ITGA1: variants seen among roughly 807,000 people sequenced by gnomAD.
ITGA1 encodes the protein integrin subunit alpha 1.
In ITGA1, 85 loss-of-function variants were observed where a neutral mutation model predicts 145.9. The ratio of observed to expected loss-of-function variants is 0.58; its 90% CI spans 0.49 to 0.70. ITGA1 has a LOEUF of 0.70. Among genes scored for constraint, ITGA1 ranks in the 30% least tolerant of loss-of-function variants. The pLI is 0.00. For missense variants in ITGA1, 1,351 were observed against 1,418.7 expected (o/e 0.95, Z 0.77); for synonymous variants, 520 against 495.3 (o/e 1.05, Z -0.66).
intron 19 of ITGA1, among the ~76,000 whole-genome samples, chr5:52,926,810 T>C (rs748797703): frequency 6.6e-6 from 1 of 152,140 alleles, no homozygotes; most frequent in African/African-American, 2.4e-5. Flanking sequence ...GTAATAATGA[T>C]GGCAACCATT....
intron 2 of ITGA1, among the ~76,000 whole-genome samples, chr5:52,861,172 T>A (rs73754058): frequency 0.02 from 3,096 of 152,220 alleles, 117 homozygotes; most frequent in African/African-American, 0.071. Flanking sequence ...CACATATACA[T>A]GTATATACAC....
chr5:52,788,470 C>T, intron 1 of ITGA1, 56 bp downstream of exon 1: 1 of 1,373,450 alleles, frequency 7.3e-7, no homozygotes, highest in Non-Finnish European at 9.5e-7. Context: ...GGGCTTGGAG[C>T]GGGGAGGGAG....
intron 1 of ITGA1, among the ~76,000 whole-genome samples, chr5:52,845,535 C>T (rs935781382): frequency 6.6e-5 from 10 of 152,074 alleles, no homozygotes; most frequent in South Asian, 2.1e-4. Context: ...GGTTGGTTTT[C>T]GGTCATCTTC....
At chr5:52,837,008 C>A (rs940285374) in intron 1 of ITGA1, among the ~76,000 whole-genome samples, 2 of 152,056 alleles carry the variant, frequency 1.3e-5, no homozygotes, top group Admixed American at 1.3e-4. Context: ...CCCAGCTTTG[C>A]AAAATCTAAA....
At chr5:52,846,253 A>G (rs374332194) in intron 1 of ITGA1, among the ~76,000 whole-genome samples, 1 of 152,150 alleles carries the variant, frequency 6.6e-6, no homozygotes, top group African/African-American at 2.4e-5. Context: ...ATATAAAAAA[A>G]TTAGCCAAAC....
chr5:52,876,232 T>C (rs974769330), intron 6 of ITGA1, among the ~76,000 whole-genome samples: 2 of 152,220 alleles, frequency 1.3e-5, no homozygotes, highest in African/African-American at 4.8e-5. Context: ...CCTTAAATTA[T>C]AAGCTAAGGT....
intron 11 of ITGA1, chr5:52,905,548 G>T (rs1214362029): frequency 1.1e-5 from 4 of 350,768 alleles, no homozygotes; most frequent in African/African-American, 6.3e-5. Flanking sequence ...CAGATTGGGG[G>T]AAAATAACTT....
chr5:52,832,583 A>G (rs1292790100), intron 1 of ITGA1, among the ~76,000 whole-genome samples: 2 of 152,180 alleles, frequency 1.3e-5, no homozygotes, highest in Admixed American at 6.6e-5. Flanking sequence ...TCTAATCTCC[A>G]TATTTTCTTA....
In ITGA1 at chr5:52,790,807, T is replaced by A. The variant is rs374737219; in HGVS notation, c.61+2393T>A. ...GGTTCCAGGCATTAGGTCATGGATATCTTTGGGAGACCATTATTCTGCCTA... is the reference window on the plus strand; with the variant it reads ...GGTTCCAGGCATTAGGTCATGGATAACTTTGGGAGACCATTATTCTGCCTA... On this transcript the variant is annotated intron_variant, in intron 1 of 28. Transcript: ENST00000282588. Among the ~76,000 whole-genome samples the A allele has an allele frequency of 4.6e-5, 7 of 152,344 alleles. No individual in the cohort carries two copies. In the South Asian group the frequency reaches 1.4e-3, roughly 32 times the overall value.
intron 6 of ITGA1, among the ~76,000 whole-genome samples, chr5:52,881,367 C>A (rs1749955058): frequency 6.6e-6 from 1 of 152,164 alleles, no homozygotes; most frequent in Non-Finnish European, 1.5e-5. Flanking sequence ...ACGCTCTGCC[C>A]TTCTAGCACT....
chr5:52,808,275 G>A lies in ITGA1; in HGVS notation c.61+19861G>A, dbSNP rs372113432. ...GTGGTACTTTAAAAAATCTTTAGCTGTCATACCTAGAATGACTGTTCCAGA... is the reference window on the plus strand; with the variant it reads ...GTGGTACTTTAAAAAATCTTTAGCTATCATACCTAGAATGACTGTTCCAGA... On this transcript the variant is annotated intron_variant, in intron 1 of 28. Coordinates refer to ENST00000282588, the MANE Select transcript of ITGA1 (RefSeq NM_181501.2). Among the ~76,000 whole-genome samples, 54 of 152,292 alleles carry A rather than the reference G, an allele frequency of 3.5e-4. No individual in the cohort carries two copies. In the South Asian group the frequency reaches 5.6e-3, roughly 16 times the overall value.
chr5:52,819,733 C>A (rs912001704), intron 1 of ITGA1, among the ~76,000 whole-genome samples: 2 of 152,132 alleles, frequency 1.3e-5, no homozygotes, highest in Non-Finnish European at 2.9e-5. Flanking sequence ...ATGCCTATGT[C>A]CTGAATGGTA....
intron 1 of ITGA1, among the ~76,000 whole-genome samples, chr5:52,809,022 A>C (rs1028410379): frequency 6.6e-6 from 1 of 152,084 alleles, no homozygotes; most frequent in African/African-American, 2.4e-5. Flanking sequence ...TTATTTATCA[A>C]ATTATCATCT....
chr5:52,863,627 T>A (rs1449627399), intron 3 of ITGA1, among the ~76,000 whole-genome samples: 3 of 152,224 alleles, frequency 2.0e-5, no homozygotes, highest in Non-Finnish European at 4.4e-5. Context: ...TTTTTTTTAA[T>A]TCTTCCTAGA....
chr5:52,911,785 A>AGTGTATCTACTATATATACTATATATG (rs1561246545), intron 14 of ITGA1, among the ~76,000 whole-genome samples: 16 of 131,512 alleles, frequency 1.2e-4, no homozygotes, highest in Admixed American at 5.7e-4. Context: ...CTATATATAT[A>AGTGTATCTACTATATATACTATATATG]GTGTATCTAC....
At chr5:52,808,685 T>G (rs1748637505) in intron 1 of ITGA1, among the ~76,000 whole-genome samples, 1 of 144,814 alleles carries the variant, frequency 6.9e-6, no homozygotes, top group South Asian at 2.2e-4. Context: ...TCTTTTTTTT[T>G]TTTTTTTTTT....
chr5:52,869,787 TTACTTTA>T (rs1320324746), intron 6 of ITGA1, among the ~76,000 whole-genome samples: 3 of 152,228 alleles, frequency 2.0e-5, no homozygotes, highest in African/African-American at 2.4e-5. Flanking sequence ...TTTAAGTATA[TTACTTTA>T]TACTTTATTC....
intron 1 of ITGA1, among the ~76,000 whole-genome samples, chr5:52,821,980 A>G (rs542264152): frequency 5.9e-5 from 9 of 152,326 alleles, no homozygotes; most frequent in African/African-American, 2.2e-4. Flanking sequence ...TTAGGAATGA[A>G]TATATCACAT....
chr5:52,867,480 G>A (rs1466764507), intron 6 of ITGA1, among the ~76,000 whole-genome samples: 1 of 152,160 alleles, frequency 6.6e-6, no homozygotes, highest in Non-Finnish European at 1.5e-5. Flanking sequence ...AATTACTAGT[G>A]GATGGTAGGG....
Sources: gnomAD v4.1 joint callset for allele counts (sites outside exome capture counted in the v4.1 genomes callset) on GRCh38, gnomAD v4.1.1 for gene constraint, MANE v1.5 for transcripts, NCBI Gene and HGNC (gene_info 2026-07-23, HGNC 2026-07-21) for gene names.